Variants in PSMD9 observed in about 807,000 individuals in gnomAD.
PSMD9 encodes the protein 26S proteasome non-ATPase regulatory subunit 9.
PSMD9 carries 26 observed loss-of-function variants against 25.9 expected under a neutral mutation model. The observed-to-expected ratio is 1.00, with a 90% CI of 0.73 to 1.39. The LOEUF is 1.39. PSMD9 is among the 40% of genes most tolerant of loss of function. The pLI is 0.00. For synonymous variants in PSMD9, 110 were observed against 114.5 expected, an observed-to-expected ratio of 0.96 and a Z score of 0.25; for missense variants, 303 against 299.3, an observed-to-expected ratio of 1.01 and a Z score of -0.09.
At position 121,916,302 on chromosome 12, in the gene PSMD9, G is replaced by A; in HGVS notation, c.663G>A (p.Leu221=). 2.5e-6 allele frequency: 4 copies of A among 1,614,112 alleles called. No individual in the cohort carries two copies. Among genetic ancestry groups the A allele is most frequent in the Non-Finnish European group, 3.4e-6 (4 of 1,179,986 alleles). ...CTTCCAGCTGCAACATTATTCCTCTGCAAAGATGATTGTCCCTGGGGAACA... is the reference window on the plus strand; with the variant it reads ...CTTCCAGCTGCAACATTATTCCTCTACAAAGATGATTGTCCCTGGGGAACA... ...KGLLGCNIIP[L]QR is the part of the protein sequence containing the mutation. Residue 221 remains leucine (L), a synonymous_variant, in exon 6 of 6, where the codon CTG becomes CTA. Transcript: ENST00000541212.
intron 3 of PSMD9, among the ~76,000 whole-genome samples, chr12:121,900,928 T>A (rs2135723978): frequency 7.2e-6 from 1 of 138,686 alleles, no homozygotes; most frequent in South Asian, 2.2e-4. Flanking sequence ...GAGGTTGCAG[T>A]GAGCGGAGAT....
intron 4 of PSMD9, among the ~76,000 whole-genome samples, chr12:121,906,317 G>A (rs931841346): frequency 1.3e-5 from 2 of 152,002 alleles, no homozygotes; most frequent in South Asian, 4.2e-4. Flanking sequence ...CCCCTCAGGG[G>A]ACCTGAGCTC....
intron 1 of PSMD9, among the ~76,000 whole-genome samples, chr12:121,889,963 G>C (rs1459625943): frequency 1.3e-5 from 2 of 152,132 alleles, no homozygotes; most frequent in East Asian, 3.9e-4. Flanking sequence ...TGTCACCCAG[G>C]CTGGAGTGCA....
intron 5 of PSMD9, 21 bp downstream of exon 5, chr12:121,915,965 C>T: frequency 6.2e-7 from 1 of 1,602,398 alleles, no homozygotes; most frequent in Admixed American, 1.7e-5. Flanking sequence ...TGTTTCTGTT[C>T]ATTCTCACTG....
chr12:121,899,609 C>T, intron 2 of PSMD9, 25 bp from the exon 3 acceptor site: 3 of 1,570,434 alleles, frequency 1.9e-6, no homozygotes, highest in South Asian at 1.2e-5. Flanking sequence ...CTTCCTTGGC[C>T]CCTGATGTGT....
chr12:121,896,485 A>G (rs189564501), intron 2 of PSMD9, among the ~76,000 whole-genome samples: 6 of 152,086 alleles, frequency 3.9e-5, no homozygotes, highest in Non-Finnish European at 5.9e-5. Flanking sequence ...AAAAAAAGAA[A>G]GAAAATCTAT....
intron 1 of PSMD9, among the ~76,000 whole-genome samples, chr12:121,890,051 G>A (rs1292749153): frequency 6.6e-6 from 1 of 152,050 alleles, no homozygotes; most frequent in East Asian, 1.9e-4. Flanking sequence ...CCGAGTAGTA[G>A]GGATTACAGG....
chr12:121,902,698 G>A (rs898347403), intron 3 of PSMD9: 4 of 311,072 alleles, frequency 1.3e-5, no homozygotes, highest in African/African-American at 6.5e-5. Flanking sequence ...ACCGCAGAGA[G>A]CAGCATTTGG....
chr12:121,898,713 G>GTT (rs1390095173), intron 2 of PSMD9: 1 of 156,206 alleles, frequency 6.4e-6, no homozygotes, highest in Non-Finnish European at 1.4e-5. Flanking sequence ...GCTAATTTTT[G>GTT]TTTTTGTTTT....
chr12:121,893,448 G>A (rs148146880), intron 1 of PSMD9, among the ~76,000 whole-genome samples: 1 of 152,336 alleles, frequency 6.6e-6, no homozygotes, highest in Non-Finnish European at 1.5e-5. Context: ...ACTTCTGCGC[G>A]TAGTCGTTTT....
At chr12:121,893,551 C>T (rs1178619184) in intron 1 of PSMD9, among the ~76,000 whole-genome samples, 2 of 152,200 alleles carry the variant, frequency 1.3e-5, no homozygotes, top group Non-Finnish European at 2.9e-5. Flanking sequence ...ATCAAGGTGT[C>T]AGCAGGGTTG....
chr12:121,901,666 CTTT>C (rs563939839), intron 3 of PSMD9, among the ~76,000 whole-genome samples: 2 of 93,610 alleles, frequency 2.1e-5, no homozygotes, highest in African/African-American at 5.9e-5. Flanking sequence ...TTCATTCCTT[CTTT>C]TTTTTTTTTT....
rs1879906347 is a variant in PSMD9 at position 121,916,465 on chromosome 12, T to G, written c.*154T>G. 6 of 913,142 alleles carry G rather than the reference T, an allele frequency of 6.6e-6. No homozygotes were observed. The highest frequency in any genetic ancestry group is 8.7e-6 in the Non-Finnish European group (5 of 573,332). 56.6% of individuals were successfully genotyped at this position (913,142 alleles called of 1,614,324 possible). ...TGGTGGCAGTACTGTGGCCCACCAG[T>G]GTAATCTCCCTGGATTAAGGCATTC... On this transcript the variant is annotated 3_prime_UTR_variant, in exon 6 of 6. Coordinates refer to ENST00000541212, the MANE Select transcript of PSMD9 (RefSeq NM_002813.7).
chr12:121,915,996 T>C, intron 5 of PSMD9, 52 bp downstream of exon 5: 1 of 1,559,336 alleles, frequency 6.4e-7, no homozygotes, highest in Non-Finnish European at 8.8e-7. Flanking sequence ...TGAGTGTTTG[T>C]TAAACATGAA....
intron 3 of PSMD9, among the ~76,000 whole-genome samples, chr12:121,901,371 C>G (rs914505241): frequency 5.9e-5 from 9 of 152,112 alleles, no homozygotes; most frequent in African/African-American, 2.2e-4. Flanking sequence ...TGTTTACAGA[C>G]AGGGTCTCAC....
intron 4 of PSMD9, among the ~76,000 whole-genome samples, chr12:121,909,378 A>G (rs1358000383): frequency 1.3e-5 from 2 of 151,264 alleles, no homozygotes; most frequent in Admixed American, 6.6e-5. Flanking sequence ...CAGTGGTGCA[A>G]TCATAGCTCA....
intron 4 of PSMD9, among the ~76,000 whole-genome samples, chr12:121,908,877 G>C (rs1296576878): frequency 6.6e-6 from 1 of 152,110 alleles, no homozygotes; most frequent in Non-Finnish European, 1.5e-5. Context: ...ACTCAAAGGA[G>C]GGTGGAGCCC....
chr12:121,915,886 G>A lies in PSMD9; in HGVS notation c.586G>A (p.Gly196Arg). Residue 196 changes from glycine to arginine, a missense_variant, in exon 5 of 6, where the codon GGG (glycine) becomes AGG (arginine). Physicochemically the swap from Gly to Arg is moderately radical, Grantham distance 125. Coordinates refer to ENST00000541212, the MANE Select transcript of PSMD9 (RefSeq NM_002813.7). Reference protein sequence around the residue: ...KPLNVTVIRRGEKHQLRLVPT... With the variant: ...KPLNVTVIRRREKHQLRLVPT... ...CCTGAATGTGACAGTGATCCGCAGG[G>A]GGGAAAAACACCAGCTTAGACTTGT... 6.2e-7 allele frequency: 1 copy of A among 1,613,880 alleles called. No homozygotes were observed. The highest frequency in any genetic ancestry group is 8.5e-7 in the Non-Finnish European group (1 of 1,179,932).
At chr12:121,896,119 G>A (rs972948288) in intron 2 of PSMD9, among the ~76,000 whole-genome samples, 8 of 146,166 alleles carry the variant, frequency 5.5e-5, no homozygotes, top group East Asian at 2.0e-4. Context: ...GCAAGAGACC[G>A]TCTCAAAAAA....
Sources: gnomAD v4.1 joint callset for allele counts (sites outside exome capture counted in the v4.1 genomes callset) on GRCh38, gnomAD v4.1.1 for gene constraint, MANE v1.5 for transcripts, NCBI Gene and HGNC (gene_info 2026-07-23, HGNC 2026-07-21) for gene names.